ESR2: variants seen among roughly 807,000 people sequenced by gnomAD.
The protein encoded by ESR2 is estrogen receptor beta.
In ESR2, 36 loss-of-function variants were observed where a neutral mutation model predicts 49.6. That is an observed-to-expected ratio of 0.73 (90% CI 0.56 to 0.96). The LOEUF is 0.96. Ranked by LOEUF, ESR2 falls within the 40% of genes least tolerant of loss-of-function variation. The pLI is 0.00. For synonymous variants in ESR2, 320 were observed against 266.1 expected, an observed-to-expected ratio of 1.20 and a Z score of -1.97; for missense variants, 714 against 693.0, an observed-to-expected ratio of 1.03 and a Z score of -0.34.
At position 64,304,217 on chromosome 14, in the gene ESR2, G is replaced by A. The variant is rs144038905; in HGVS notation, c.-90-21142C>T. Among the ~76,000 whole-genome samples, 845 of 152,326 alleles carry A rather than the reference G, an allele frequency of 5.5e-3. 8 individuals carry two copies. Among genetic ancestry groups the A allele is most frequent in the African/African-American group, 0.019 (799 of 41,566 alleles). Reference sequence around the variant, plus strand: ...AGCTACTCAGAGGGCTGAGGTGGGAGGATCACCTGAGCCCGGCAGGTTCGA... The same window carrying A: ...AGCTACTCAGAGGGCTGAGGTGGGAAGATCACCTGAGCCCGGCAGGTTCGA... On this transcript the variant is annotated intron_variant, in intron 1 of 8. Coordinates refer to the ESR2 transcript ENST00000358599.
At position 64,235,066 on chromosome 14, in the gene ESR2, A is replaced by G. The variant is rs2098731216; in HGVS notation, c.1310T>C (p.Leu437Ser). ...GCCGCTCTTGGCAATCACCCAAACC[A>G]AAGCATCGGTCACGGCGTTCAGCAA... ...AHLLNAVTDA[L>S]VWVIAKSGIS... Residue 437 changes from leucine (L) to serine (S), a missense_variant, in exon 8 of 9, where the codon TTG becomes TCG. Physicochemically the swap from Leu to Ser is moderately radical, Grantham distance 145. Transcript: ENST00000341099. 6.2e-7 allele frequency: 1 copy of G among 1,614,036 alleles called. No individual in the cohort carries two copies. Among genetic ancestry groups the G allele is most frequent in the African/African-American group, 1.3e-5 (1 of 74,906 alleles).
At chr14:64,234,638 C>T (rs2098730643) in intron 8 of ESR2, 1 of 441,522 alleles carries the variant, frequency 2.3e-6, no homozygotes, top group Non-Finnish European at 4.0e-6. Flanking sequence ...AGGGCCTCAG[C>T]CCTGGGTGGT....
chr14:64,302,144 C>CTTTTTTA (rs1168824161), intron 1 of ESR2, among the ~76,000 whole-genome samples: 3 of 149,094 alleles, frequency 2.0e-5, no homozygotes, highest in Non-Finnish European at 3.0e-5. Flanking sequence ...ACCTGGGTCA[C>CTTTTTTA]TTTTTTATTT....
chr14:64,252,262 T>C (rs2076002877), intron 6 of ESR2, among the ~76,000 whole-genome samples: 3 of 150,642 alleles, frequency 2.0e-5, no homozygotes, highest in African/African-American at 7.3e-5. Flanking sequence ...CAGTGAGCCG[T>C]GATGGCACCA....
rs976654725 is a variant in ESR2, at chr14:64,232,656, G to A, written c.*481C>T. On this transcript the variant is annotated 3_prime_UTR_variant, in exon 9 of 9. Transcript: ENST00000341099. ...AGGTAAGTACGCAATTGCCACAGGG[G>A]TTTTCAATCTTACAATGGAGTGGTC... is the stretch of plus-strand genomic sequence containing the variant. 1 of 156,090 alleles carries A rather than the reference G, an allele frequency of 6.4e-6. No homozygotes were observed. The highest frequency in any genetic ancestry group is 1.4e-5 in the Non-Finnish European group (1 of 70,180). The allele number at this position is 156,090 out of a possible 1,614,324, so 9.7% of individuals were successfully genotyped here.
intron 4 of ESR2, among the ~76,000 whole-genome samples, chr14:64,265,707 TA>T (rs1419706111): frequency 6.6e-6 from 1 of 152,170 alleles, no homozygotes; most frequent in African/African-American, 2.4e-5. Flanking sequence ...GTTTCATCCA[TA>T]AAGTTAGTCT....
chr14:64,318,796 A>G (rs2077291081), intron 1 of ESR2, among the ~76,000 whole-genome samples: 2 of 151,690 alleles, frequency 1.3e-5, no homozygotes, highest in African/African-American at 4.8e-5. Flanking sequence ...TAATCCCAGC[A>G]CTTTGGCAGG....
chr14:64,279,233 A>G (rs2076616652), intron 3 of ESR2, among the ~76,000 whole-genome samples: 1 of 152,160 alleles, frequency 6.6e-6, no homozygotes, highest in South Asian at 2.1e-4. Flanking sequence ...TGTCTCCCTA[A>G]AATGTATAAG....
chr14:64,311,778 A>G (rs1250684560), intron 1 of ESR2, among the ~76,000 whole-genome samples: 1 of 152,016 alleles, frequency 6.6e-6, no homozygotes, highest in Non-Finnish European at 1.5e-5. Context: ...ACACTACTGC[A>G]CTCCAGCCTA....
intron 6 of ESR2, among the ~76,000 whole-genome samples, chr14:64,251,846 G>T (rs1187931708): frequency 6.6e-6 from 1 of 152,144 alleles, no homozygotes; most frequent in South Asian, 2.1e-4. Flanking sequence ...AAATGAAGAG[G>T]CAATAAAGTA....
chr14:64,317,208 T>C (rs571598650), intron 1 of ESR2, among the ~76,000 whole-genome samples: 2 of 152,298 alleles, frequency 1.3e-5, no homozygotes, highest in East Asian at 3.9e-4. Context: ...GAGGTTGCAG[T>C]GGGCCCAGGT....
At chr14:64,301,326 G>C (rs1169420626) in intron 1 of ESR2, 2 of 152,146 alleles carry the variant, frequency 1.3e-5, no homozygotes, top group Non-Finnish European at 2.9e-5. Flanking sequence ...CGCATGTTTG[G>C]GTTCTTCTGA....
intron 1 of ESR2, among the ~76,000 whole-genome samples, chr14:64,316,726 T>C (rs1219511781): frequency 6.6e-6 from 1 of 152,006 alleles, no homozygotes; most frequent in Non-Finnish European, 1.5e-5. Flanking sequence ...AGAGAATCAC[T>C]TGAACCCAGA....
intron 1 of ESR2, among the ~76,000 whole-genome samples, chr14:64,327,353 G>A (rs1002191532): frequency 1.6e-4 from 25 of 151,924 alleles, no homozygotes; most frequent in Admixed American, 5.2e-4. Context: ...CTGAGCTCAG[G>A]AATTCGAGAC....
chr14:64,251,268 G>A (rs1391285117), intron 6 of ESR2, among the ~76,000 whole-genome samples: 1 of 145,518 alleles, frequency 6.9e-6, no homozygotes, highest in African/African-American at 2.6e-5. Flanking sequence ...GGGGACATTT[G>A]ATACTAAGGA....
At position 64,282,751 on chromosome 14, in the gene ESR2, A is replaced by G; in HGVS notation, c.235T>C (p.Leu79=). 6.2e-7 allele frequency: 1 copy of G among 1,614,238 alleles called. No individual in the cohort carries two copies. The highest frequency in any genetic ancestry group is 8.5e-7 in the Non-Finnish European group (1 of 1,180,038). ...GAAAGGTGCCCAGGTGTTGGCCACA[A>G]CACATTTGGGCTTGTGGTCTGCCGA... ...PGRQTTSPNV[L]WPTPGHLSPL... The change falls in exon 2 of 9, where the codon TTG becomes CTG. Residue 79 remains leucine (L), a synonymous_variant. Transcript: ENST00000341099.
intron 3 of ESR2, among the ~76,000 whole-genome samples, chr14:64,277,625 C>CAAA (rs55742946): frequency 7.0e-4 from 65 of 92,310 alleles, no homozygotes; most frequent in African/African-American, 2.1e-3. Flanking sequence ...ACTCCATCTC[C>CAAA]AAAAAAAAAA....
At chr14:64,295,091 G>C (rs2076939235), upstream of ESR2, among the ~76,000 whole-genome samples, 6 of 152,210 alleles carry the variant, frequency 3.9e-5, no homozygotes, top group South Asian at 1.2e-3. Context: ...ACCCCAGCAG[G>C]AGCCCCAGGG....
At position 64,260,468 on chromosome 14, in the gene ESR2, G is replaced by A; in HGVS notation, c.933C>T (p.Ser311=). ...LADKELVHMI[S]WAKKIPGFVE... is the part of the protein sequence containing the mutation. ...CCCTACCGGGAATCTTCTTGGCCCA[G>A]CTGATCATGTGTACCAACTCCTTGT... Residue 311 remains serine (S), a synonymous_variant, in exon 5 of 9, where the codon AGC becomes AGT. Coordinates refer to ENST00000341099, the MANE Select transcript of ESR2 (RefSeq NM_001437.3). 1 of 1,524,186 alleles carries A rather than the reference G, an allele frequency of 6.6e-7. No homozygotes were observed. Among genetic ancestry groups the A allele is most frequent in the Non-Finnish European group, 8.8e-7 (1 of 1,137,040 alleles). The allele number at this position is 1,524,186 out of a possible 1,614,324, so 94.4% of individuals were successfully genotyped here.
Sources: allele counts gnomAD v4.1 joint callset (sites outside exome capture counted in the v4.1 genomes callset), GRCh38; gene constraint gnomAD v4.1.1; transcripts MANE v1.5; gene names NCBI Gene and HGNC (gene_info 2026-07-23, HGNC 2026-07-21).